HDHD5: variants seen among roughly 807,000 people sequenced by gnomAD.
HDHD5 encodes the protein haloacid dehalogenase like hydrolase domain containing 5, also known as haloacid dehalogenase-like hydrolase domain-containing 5.
Under a neutral mutation model 35.5 loss-of-function variants are expected in HDHD5, and 34 were observed. The ratio of observed to expected loss-of-function variants is 0.96; its 90% CI spans 0.73 to 1.28. The LOEUF (loss-of-function observed/expected upper bound fraction) is 1.28. Ranked by LOEUF, HDHD5 falls within the 50% of genes most tolerant of loss-of-function variation. The pLI, the probability that HDHD5 is intolerant of heterozygous loss-of-function variation, is 0.00. For synonymous variants in HDHD5, 248 were observed against 240.6 expected (o/e 1.03, Z -0.29); for missense variants, 589 against 560.2 (o/e 1.05, Z -0.52).
At chr22:17,159,418 G>A (rs928337754), upstream of HDHD5, 3 of 721,014 alleles carry the variant, frequency 4.2e-6, no homozygotes, top group Admixed American at 2.3e-5. Context: ...CAGGCCAAAG[G>A]GGCTCCGTTG....
chr22:17,161,246 A>C (rs2061861653), upstream of HDHD5, among the ~76,000 whole-genome samples: 2 of 50,120 alleles, frequency 4.0e-5, no homozygotes, highest in African/African-American at 1.9e-4. Flanking sequence ...ACTCTATCTC[A>C]AAAAAAAAAA....
upstream of HDHD5, among the ~76,000 whole-genome samples, chr22:17,161,112 G>A (rs117264120): frequency 0.011 from 1,661 of 151,078 alleles, 98 homozygotes; most frequent in South Asian, 0.13. Context: ...AAATTAGCTC[G>A]TCATGCACCT....
chr22:17,137,820 C>A lies in HDHD5; in HGVS notation c.*201G>T. 2 of 563,800 alleles carry A rather than the reference C, an allele frequency of 3.5e-6. No individual in the cohort carries two copies. The highest frequency in any genetic ancestry group is 6.3e-6 in the Non-Finnish European group (2 of 317,818). The allele number at this position is 563,800 out of a possible 1,614,324, so 34.9% of individuals were successfully genotyped here. A position where few individuals can be genotyped will look rare whatever the true frequency, so the allele number is the denominator to read the frequency against. ...GGAACTGGGCCCAGAAAATTCCAAC[C>A]GTTCCATACAAAATGCTACCCAGCA... On this transcript the variant is annotated 3_prime_UTR_variant, in exon 8 of 8. Transcript: ENST00000336737.
Position 17,159,241 on chromosome 22 carries a change from C to A in HDHD5, c.11G>T (p.Trp4Leu). Reference sequence around the variant, plus strand: ...CGCGCCGAGCGCAGCCACACAGCCCCACGCAGCCATCCGGCCGTCGCCGTG... The same window carrying A: ...CGCGCCGAGCGCAGCCACACAGCCCAACGCAGCCATCCGGCCGTCGCCGTG... MAA[W>L]GCVAALGAAR... Residue 4 changes from tryptophan (W) to leucine (L), a missense_variant, in exon 1 of 8, where the codon TGG (tryptophan) becomes TTG (leucine). Physicochemically the swap from Trp to Leu is moderately conservative, Grantham distance 61. Coordinates refer to ENST00000336737, the MANE Select transcript of HDHD5 (RefSeq NM_033070.3). The A allele has an allele frequency of 1.6e-6, 2 of 1,286,946 alleles. No homozygotes were observed. The highest frequency in any genetic ancestry group is 2.0e-6 in the Non-Finnish European group (2 of 1,017,710). The allele number at this position is 1,286,946 out of a possible 1,614,324, so 79.7% of individuals were successfully genotyped here. A position where few individuals can be genotyped will look rare whatever the true frequency, so the allele number is the denominator to read the frequency against.
upstream of HDHD5, among the ~76,000 whole-genome samples, chr22:17,163,484 G>A (rs557307434): frequency 2.0e-5 from 3 of 152,300 alleles, no homozygotes; most frequent in African/African-American, 7.2e-5. Context: ...TCTCTGAGCA[G>A]ACGCTGGACC....
At chr22:17,152,923 C>T (rs535866846) in intron 1 of HDHD5, among the ~76,000 whole-genome samples, 1 of 152,094 alleles carries the variant, frequency 6.6e-6, no homozygotes, top group South Asian at 2.1e-4. Context: ...ACAATGACAG[C>T]TACAGAGCCA....
intron 1 of HDHD5, among the ~76,000 whole-genome samples, chr22:17,164,580 A>G (rs1220872342): frequency 6.6e-6 from 1 of 152,198 alleles, no homozygotes; most frequent in Non-Finnish European, 1.5e-5. Flanking sequence ...CTCAGGCTCC[A>G]GCCCTTATGT....
At chr22:17,155,046 C>T (rs1327598531) in intron 1 of HDHD5, among the ~76,000 whole-genome samples, 3 of 152,118 alleles carry the variant, frequency 2.0e-5, no homozygotes, top group Non-Finnish European at 2.9e-5. Context: ...ATAAGCAAAG[C>T]AGGTGTTGAA....
chr22:17,159,947 C>G (rs1313331009), upstream of HDHD5: 1 of 159,386 alleles, frequency 6.3e-6, no homozygotes, highest in Non-Finnish European at 1.4e-5. Flanking sequence ...GGTGAATGAA[C>G]AAAGAATGGA....
chr22:17,142,046 T>C (rs1229959554), intron 5 of HDHD5: 3 of 152,154 alleles, frequency 2.0e-5, no homozygotes, highest in African/African-American at 7.2e-5. Context: ...TCCTGTGCAA[T>C]CAAAAACTAT....
chr22:17,138,785 C>T (rs769767833), intron 6 of HDHD5, 47 bp from the exon 7 acceptor site: 1 of 1,605,484 alleles, frequency 6.2e-7, no homozygotes, highest in African/African-American at 1.3e-5. Flanking sequence ...GATCTCCAGG[C>T]TCTTCTAGAG....
At chr22:17,145,908 G>A (rs1256358341) in intron 3 of HDHD5, among the ~76,000 whole-genome samples, 1 of 152,064 alleles carries the variant, frequency 6.6e-6, no homozygotes, top group Admixed American at 6.5e-5. Flanking sequence ...TTGGGGAGGG[G>A]CAAGCCAGCT....
chr22:17,160,499 A>G (rs1446132314), upstream of HDHD5, among the ~76,000 whole-genome samples: 1 of 151,896 alleles, frequency 6.6e-6, no homozygotes, highest in Non-Finnish European at 1.5e-5. Flanking sequence ...AACTGCAAAA[A>G]TTAGCCAGGC....
exon 1 of HDHD5, chr22:17,165,273 C>T (rs1457162147): frequency 3.9e-6 from 3 of 769,258 alleles, no homozygotes; most frequent in East Asian, 4.9e-5. Context: ...CTTTAGGAGC[C>T]AGCTGGTCCA....
Position 17,149,764 on chromosome 22 carries a change from A to G in HDHD5, c.127-19T>C. The G allele has an allele frequency of 6.2e-7, 1 of 1,602,794 alleles. No homozygotes were observed. Among genetic ancestry groups the G allele is most frequent in the Non-Finnish European group, 8.5e-7 (1 of 1,170,094 alleles). The stretch of plus-strand genomic sequence containing the variant: ...GTGGGCTCTGCAGAGATGGTAAGAT[A>G]ATTACCAGTACGTGAGTAACAAAGA... On this transcript the variant is annotated intron_variant, in intron 1 of 7. Coordinates refer to ENST00000336737, the MANE Select transcript of HDHD5 (RefSeq NM_033070.3).
chr22:17,137,828 A>G lies in HDHD5; in HGVS notation c.*193T>C. 1 of 580,082 alleles carries G rather than the reference A, an allele frequency of 1.7e-6. No individual in the cohort carries two copies. The highest frequency in any genetic ancestry group is 3.1e-6 in the Non-Finnish European group (1 of 327,738). The allele number at this position is 580,082 out of a possible 1,614,324, so 35.9% of individuals were successfully genotyped here. ...GCCCAGAAAATTCCAACCGTTCCAT[A>G]CAAAATGCTACCCAGCAGGGAAAAA... On this transcript the variant is annotated 3_prime_UTR_variant, in exon 8 of 8. Transcript: ENST00000336737.
chr22:17,150,243 TA>T (rs2061711374), intron 1 of HDHD5, among the ~76,000 whole-genome samples: 1 of 152,232 alleles, frequency 6.6e-6, no homozygotes, highest in Non-Finnish European at 1.5e-5. Context: ...TGACATATCA[TA>T]AATATTTTTA....
exon 1 of HDHD5, chr22:17,165,253 C>T (rs2061884684): frequency 2.6e-6 from 2 of 775,462 alleles, no homozygotes; most frequent in African/African-American, 1.7e-5. Context: ...ATGATTTAGT[C>T]CCCTCTCCTC....
intron 1 of HDHD5, among the ~76,000 whole-genome samples, chr22:17,153,077 T>C (rs1283396843): frequency 6.6e-6 from 1 of 152,162 alleles, no homozygotes; most frequent in East Asian, 1.9e-4. Context: ...GGACAAATGG[T>C]GCCTCTAACC....
Sources: gnomAD v4.1 joint callset for allele counts (sites outside exome capture counted in the v4.1 genomes callset) on GRCh38, gnomAD v4.1.1 for gene constraint, MANE v1.5 for transcripts, NCBI Gene and HGNC (gene_info 2026-07-23, HGNC 2026-07-21) for gene names.